Variants in CSMD1 observed in about 807,000 individuals in gnomAD.
CSMD1 encodes CUB and Sushi multiple domains 1.
In CSMD1, 213 loss-of-function variants were observed where a neutral mutation model predicts 417.5. That is an observed-to-expected ratio of 0.51 (90% CI 0.46 to 0.57). The LOEUF is 0.57. Ranked by LOEUF, CSMD1 falls within the 20% of genes least tolerant of loss-of-function variation. The pLI is 0.00. For synonymous variants in CSMD1, 2,862 were observed against 1,736.8 expected (o/e 1.65, Z -16.11); for missense variants, 6,923 against 4,529.7 (o/e 1.53, Z -15.17).
chr8:4,428,142 C>T (rs1041753502), intron 2 of CSMD1, among the ~76,000 whole-genome samples: 1 of 152,188 alleles, frequency 6.6e-6, no homozygotes, highest in Non-Finnish European at 1.5e-5. Context: ...CTCCAAAGCA[C>T]CCACCACATC....
intron 50 of CSMD1, among the ~76,000 whole-genome samples, chr8:3,045,916 A>G (rs1231822923): frequency 6.6e-6 from 1 of 152,162 alleles, no homozygotes; most frequent in Non-Finnish European, 1.5e-5. Context: ...GCAAGAGTGG[A>G]AGACAGTAGG....
intron 5 of CSMD1, among the ~76,000 whole-genome samples, chr8:3,773,075 A>G (rs1798704413): frequency 4.6e-5 from 7 of 152,136 alleles, no homozygotes; most frequent in Admixed American, 4.6e-4. Flanking sequence ...GGCCTCTTCT[A>G]TAAGGACACT....
At chr8:3,633,693 C>G (rs1796891089) in intron 7 of CSMD1, among the ~76,000 whole-genome samples, 1 of 152,056 alleles carries the variant, frequency 6.6e-6, no homozygotes, top group Non-Finnish European at 1.5e-5. Context: ...AATCTGAAAA[C>G]ATTCAATGAT....
intron 1 of CSMD1, among the ~76,000 whole-genome samples, chr8:4,824,169 A>G (rs1563503607): frequency 6.6e-6 from 1 of 151,926 alleles, no homozygotes; most frequent in Admixed American, 6.6e-5. Flanking sequence ...GCCTATATAT[A>G]TTTTTGGACA....
intron 20 of CSMD1, among the ~76,000 whole-genome samples, chr8:3,363,048 T>C (rs1809302214): frequency 6.6e-6 from 1 of 152,194 alleles, no homozygotes; most frequent in Admixed American, 6.5e-5. Context: ...TTCACGTCCC[T>C]CCACTTTCCC....
At chr8:4,600,513 T>C (rs966769274) in intron 2 of CSMD1, among the ~76,000 whole-genome samples, 1 of 152,216 alleles carries the variant, frequency 6.6e-6, no homozygotes, top group African/African-American at 2.4e-5. Flanking sequence ...TATACATCTG[T>C]TTTTGTATGA....
At chr8:3,105,117 A>G (rs779553554) in intron 46 of CSMD1, among the ~76,000 whole-genome samples, 3 of 152,266 alleles carry the variant, frequency 2.0e-5, no homozygotes, top group Non-Finnish European at 4.4e-5. Flanking sequence ...GGCAGTTAAC[A>G]TTATAAAACA....
chr8:3,154,514 A>G (rs778396453), intron 39 of CSMD1, among the ~76,000 whole-genome samples: 1 of 152,162 alleles, frequency 6.6e-6, no homozygotes, highest in Non-Finnish European at 1.5e-5. Context: ...CTGGATTTAT[A>G]CATCTTATTT....
chr8:3,119,517 G>A (rs572093390), intron 41 of CSMD1, among the ~76,000 whole-genome samples: 2 of 151,778 alleles, frequency 1.3e-5, no homozygotes, highest in South Asian at 4.2e-4. Context: ...ATAAACTCCA[G>A]GTAAGACAAG....
chr8:4,912,913 G>A (rs1238912582), intron 1 of CSMD1, among the ~76,000 whole-genome samples: 2 of 152,116 alleles, frequency 1.3e-5, no homozygotes, highest in Non-Finnish European at 2.9e-5. Context: ...AGCTTCCCAA[G>A]TAGCTGGGAC....
chr8:3,554,383 T>C (rs1799050560), intron 10 of CSMD1, among the ~76,000 whole-genome samples: 1 of 152,082 alleles, frequency 6.6e-6, no homozygotes, highest in African/African-American at 2.4e-5. Context: ...AATTTGGGAT[T>C]GAGGAGGAAG....
intron 2 of CSMD1, among the ~76,000 whole-genome samples, chr8:4,594,901 A>G (rs1312899930): frequency 6.6e-6 from 1 of 152,144 alleles, no homozygotes; most frequent in Non-Finnish European, 1.5e-5. Context: ...AGGAATGTGG[A>G]TGGTTATAGT....
chr8:3,038,626 G>A (rs1164713420), intron 50 of CSMD1, among the ~76,000 whole-genome samples: 1 of 152,024 alleles, frequency 6.6e-6, no homozygotes, highest in East Asian at 1.9e-4. Context: ...ACCATGCACT[G>A]CATATAACGC....
chr8:3,449,040 A>T (rs1815514668), intron 12 of CSMD1, among the ~76,000 whole-genome samples: 1 of 152,208 alleles, frequency 6.6e-6, no homozygotes, highest in African/African-American at 2.4e-5. Flanking sequence ...AGTTTACTTC[A>T]AAGGAAATGG....
intron 3 of CSMD1, among the ~76,000 whole-genome samples, chr8:4,074,217 A>C (rs2552132): frequency 2.0e-5 from 3 of 152,082 alleles, no homozygotes; most frequent in African/African-American, 7.2e-5. Context: ...TACACAAATT[A>C]TACAGCTTTT....
At chr8:3,106,829 T>C in intron 45 of CSMD1, 188 bp from the exon 46 acceptor site, 2 of 478,254 alleles carry the variant, frequency 4.2e-6, no homozygotes, top group Non-Finnish European at 7.4e-6. Context: ...AAAAATGCTC[T>C]ATTAAGCTTA....
intron 7 of CSMD1, among the ~76,000 whole-genome samples, chr8:3,693,550 A>G (rs1800371487): frequency 1.3e-5 from 2 of 152,166 alleles, no homozygotes; most frequent in African/African-American, 4.8e-5. Flanking sequence ...TGAGCCCTAC[A>G]ATGTCCCCAG....
At chr8:2,979,137 C>G (rs1194290969) in intron 54 of CSMD1, among the ~76,000 whole-genome samples, 1 of 152,176 alleles carries the variant, frequency 6.6e-6, no homozygotes, top group African/African-American at 2.4e-5. Flanking sequence ...AGCTGAGGTT[C>G]GTTTAAATAT....
chr8:4,075,263 T>C (rs1383512546), intron 3 of CSMD1, among the ~76,000 whole-genome samples: 1 of 152,116 alleles, frequency 6.6e-6, no homozygotes, highest in Non-Finnish European at 1.5e-5. Context: ...AAACAAAGTA[T>C]TATAAAATAA....
Sources: gnomAD v4.1 joint callset for allele counts (sites outside exome capture counted in the v4.1 genomes callset) on GRCh38, gnomAD v4.1.1 for gene constraint, MANE v1.5 for transcripts, NCBI Gene and HGNC (gene_info 2026-07-23, HGNC 2026-07-21) for gene names.